Variants in FAT4 observed in about 807,000 individuals in gnomAD.
FAT4 encodes the protein FAT atypical cadherin 4, also known as protocadherin Fat 4.
Under a neutral mutation model 303.9 loss-of-function variants are expected in FAT4, and 84 were observed. The ratio of observed to expected loss-of-function variants is 0.28; its 90% CI spans 0.23 to 0.33. The LOEUF is 0.33. Ranked by LOEUF, FAT4 falls within the 10% of genes least tolerant of loss-of-function variation. The pLI is 1.00. For synonymous variants in FAT4, 2,307 were observed against 2,298.8 expected (o/e 1.00, Z -0.10); for missense variants, 6,005 against 6,146.8 (o/e 0.98, Z 0.77).
Position 125,464,791 on chromosome 4 carries a change from G to A in FAT4, c.11905+1124G>A, listed in dbSNP as rs548739801. ...TGTTTGGTTTTTTGTCCTTGCGATA[G>A]TTTGCTGAGAATGATGGTTTCCAGC... On this transcript the variant is annotated intron_variant, in intron 11 of 17. Transcript: ENST00000394329. Among the ~76,000 whole-genome samples the A allele has an allele frequency of 8.4e-4, 128 of 152,168 alleles. 1 individual carries two copies. Among genetic ancestry groups the A allele is most frequent in the African/African-American group, 2.9e-3 (122 of 41,520 alleles).
chr4:125,474,312 A>G (rs950892038), intron 12 of FAT4, among the ~76,000 whole-genome samples: 1 of 152,042 alleles, frequency 6.6e-6, no homozygotes, highest in African/African-American at 2.4e-5. Flanking sequence ...ATACTTGCAT[A>G]ATATATGTGG....
At position 125,422,947 on chromosome 4, in the gene FAT4, G is replaced by A. The variant is rs982438338; in HGVS notation, c.7018+6325G>A. Among the ~76,000 whole-genome samples, 9 of 152,304 alleles carry A rather than the reference G, an allele frequency of 5.9e-5. No individual in the cohort carries two copies. The South Asian group carries it at 1.0e-3, about 18-fold the overall frequency. On this transcript the variant is annotated intron_variant, in intron 7 of 17. Transcript: ENST00000394329. The stretch of plus-strand genomic sequence containing the variant: ...GATGAGGAACTTCTTGGAAACTGGA[G>A]CAAAGGTCACTCTTGCTATGCAAAG...
intron 2 of FAT4, 45 bp downstream of exon 2, chr4:125,321,631 G>GA (rs1730957835): frequency 6.6e-7 from 1 of 1,511,790 alleles, no homozygotes; most frequent in Non-Finnish European, 8.9e-7. Flanking sequence ...TTGCTTTTTA[G>GA]AAAAATCATT....
chr4:125,406,265 A>G (rs1734602458), intron 3 of FAT4, among the ~76,000 whole-genome samples: 1 of 152,122 alleles, frequency 6.6e-6, no homozygotes, highest in Non-Finnish European at 1.5e-5. Flanking sequence ...TCCTTTCCCC[A>G]TTATATATCC....
chr4:125,485,960 A>G (rs1254313817), intron 16 of FAT4, among the ~76,000 whole-genome samples: 6 of 152,196 alleles, frequency 3.9e-5, no homozygotes, highest in African/African-American at 7.2e-5. Context: ...GAAGAATTAT[A>G]TAAGTGTTAA....
At chr4:125,410,224 G>A (rs919241859) in intron 5 of FAT4, among the ~76,000 whole-genome samples, 4 of 152,118 alleles carry the variant, frequency 2.6e-5, no homozygotes, top group Non-Finnish European at 5.9e-5. Flanking sequence ...ATCTAAAATA[G>A]ATACAGCTGT....
rs535198965 is a variant in FAT4 at position 125,469,843 on chromosome 4, C to A, written c.12213+1024C>A. On this transcript the variant is annotated intron_variant, in intron 12 of 17. Transcript: ENST00000394329. ...TTTTAATATTTGATATTTTGACCTC[C>A]TTCCATTAATCATGAATGTTCTTCA... 5.9e-5 allele frequency among the ~76,000 whole-genome samples: 9 copies of A among 152,224 alleles called. No homozygotes were observed. The South Asian group carries it at 1.0e-3, about 18-fold the overall frequency.
intron 2 of FAT4, among the ~76,000 whole-genome samples, chr4:125,355,038 G>A (rs1249800772): frequency 6.6e-6 from 1 of 151,728 alleles, no homozygotes; most frequent in Non-Finnish European, 1.5e-5. Context: ...ATTTAGTATA[G>A]CCTCTACTTA....
intron 8 of FAT4, among the ~76,000 whole-genome samples, chr4:125,439,154 A>T (rs962049787): frequency 1.3e-5 from 2 of 152,078 alleles, no homozygotes; most frequent in Admixed American, 6.5e-5. Flanking sequence ...CTCTATCCAG[A>T]TTATGTCTTT....
At chr4:125,368,219 G>A (rs1399966489) in intron 2 of FAT4, among the ~76,000 whole-genome samples, 1 of 151,896 alleles carries the variant, frequency 6.6e-6, no homozygotes. Context: ...GAGTACTGTG[G>A]GTTTATGGAA....
chr4:125,379,202 G>T (rs934048861), intron 2 of FAT4, among the ~76,000 whole-genome samples: 5 of 150,464 alleles, frequency 3.3e-5, no homozygotes, highest in Non-Finnish European at 7.4e-5. Context: ...TTAAAAACAT[G>T]TTAAAGCAAA....
chr4:125,415,996 C>T (rs1735042110), intron 6 of FAT4, among the ~76,000 whole-genome samples, 190 bp downstream of exon 6: 1 of 152,162 alleles, frequency 6.6e-6, no homozygotes, highest in African/African-American at 2.4e-5. Flanking sequence ...CTCTTAATTT[C>T]CTCATTGATG....
rs1727567219 is a variant in FAT4, at chr4:125,490,181, C to T, written c.13365C>T (p.Cys4455=). 6.2e-7 allele frequency: 1 copy of T among 1,614,126 alleles called. No homozygotes were observed. Among genetic ancestry groups the T allele is most frequent in the Non-Finnish European group, 8.5e-7 (1 of 1,180,034 alleles). The change falls in exon 18 of 18, where the codon TGC becomes TGT. Residue 4455 remains cysteine (C), a synonymous_variant. Coordinates refer to ENST00000394329, the MANE Select transcript of FAT4 (RefSeq NM_001291303.3). ...TGCACTCCGGCTTCACCTGTAGCTG[C>T]CCAGACTCGCACACGGGAAGGACCT... ...PGLHSGFTCS[C]PDSHTGRTCE... is the part of the protein sequence containing the mutation.
At chr4:125,409,436 A>G (rs1276393439) in intron 5 of FAT4, among the ~76,000 whole-genome samples, 2 of 152,032 alleles carry the variant, frequency 1.3e-5, no homozygotes, top group East Asian at 3.9e-4. Flanking sequence ...TTGTATTTTT[A>G]GTAGAGACGG....
chr4:125,446,651 T>C (rs1725839855), intron 9 of FAT4, 108 bp downstream of exon 9: 3 of 1,179,420 alleles, frequency 2.5e-6, no homozygotes, highest in Non-Finnish European at 3.4e-6. Flanking sequence ...TATAGCCTAA[T>C]TTTGCAAATC....
chr4:125,484,154 A>G (rs1480340420), intron 16 of FAT4, among the ~76,000 whole-genome samples: 1 of 151,770 alleles, frequency 6.6e-6, no homozygotes, highest in African/African-American at 2.4e-5. Flanking sequence ...GGTAAATGGG[A>G]TTCCATGTGG....
Position 125,319,470 on chromosome 4 carries a change from CT to C in FAT4, c.3061del (p.Ser1021LeufsTer34). 6.2e-7 allele frequency: 1 copy of C among 1,613,558 alleles called. No individual in the cohort carries two copies. Among genetic ancestry groups the C allele is most frequent in the Non-Finnish European group, 8.5e-7 (1 of 1,179,542 alleles). ...PVNSRFFKVQ[A>X]SDKDSGANGE... Reference sequence around the variant, plus strand: ...AATTCTCGATTCTTTAAAGTACAAGCTTCTGATAAGGATTCAGGAGCAAATG... The same window carrying C: ...AATTCTCGATTCTTTAAAGTACAAGCTCTGATAAGGATTCAGGAGCAAATG... On this transcript the variant is annotated frameshift_variant, in exon 2 of 18. Coordinates refer to ENST00000394329, the MANE Select transcript of FAT4 (RefSeq NM_001291303.3). LOFTEE classifies it high-confidence loss of function.
At chr4:125,341,192 C>A (rs1283875352) in intron 2 of FAT4, among the ~76,000 whole-genome samples, 2 of 151,988 alleles carry the variant, frequency 1.3e-5, no homozygotes, top group East Asian at 3.9e-4. Flanking sequence ...AAAAAAATGA[C>A]AAAAGTGAAA....
At chr4:125,414,241 T>A in intron 5 of FAT4, among the ~76,000 whole-genome samples, 1 of 152,092 alleles carries the variant, frequency 6.6e-6, no homozygotes, top group South Asian at 2.1e-4. Flanking sequence ...CACATGATCC[T>A]AAGAAAAATC....
Sources: allele counts gnomAD v4.1 joint callset (sites outside exome capture counted in the v4.1 genomes callset), GRCh38; gene constraint gnomAD v4.1.1; transcripts MANE v1.5; gene names NCBI Gene and HGNC (gene_info 2026-07-23, HGNC 2026-07-21).